Variants in NRCAM observed in about 807,000 individuals in gnomAD.
NRCAM encodes NgCAM-related cell adhesion molecule.
NRCAM carries 83 observed loss-of-function variants against 156.5 expected under a neutral mutation model. The ratio of observed to expected loss-of-function variants is 0.53; its 90% CI spans 0.44 to 0.64. The LOEUF (loss-of-function observed/expected upper bound fraction) is 0.64. Ranked by LOEUF, NRCAM falls within the 30% of genes least tolerant of loss-of-function variation. The pLI, the probability that NRCAM is intolerant of heterozygous loss-of-function variation, is 0.00. For missense variants in NRCAM, 1,417 were observed against 1,597.3 expected, an observed-to-expected ratio of 0.89 and a Z score of 1.92; for synonymous variants, 538 against 563.9, an observed-to-expected ratio of 0.95 and a Z score of 0.65.
At chr7:108,426,585 C>T (rs560390358) in intron 1 of NRCAM, among the ~76,000 whole-genome samples, 2 of 152,304 alleles carry the variant, frequency 1.3e-5, no homozygotes, top group South Asian at 2.1e-4. Flanking sequence ...GGGTGAAAAA[C>T]CAGCTACATT....
chr7:108,355,497 G>GA (rs2099487322), intron 2 of NRCAM, among the ~76,000 whole-genome samples: 1 of 152,138 alleles, frequency 6.6e-6, no homozygotes, highest in Admixed American at 6.5e-5. Flanking sequence ...AGTACAAAGA[G>GA]AAAAAATGAT....
chr7:108,400,430 G>A (rs1388612859), intron 1 of NRCAM, among the ~76,000 whole-genome samples: 1 of 152,182 alleles, frequency 6.6e-6, no homozygotes, highest in African/African-American at 2.4e-5. Context: ...AACCCTGCCT[G>A]TGCATTAGCA....
chr7:108,380,102 T>G (rs1435470787), intron 2 of NRCAM, among the ~76,000 whole-genome samples: 2 of 152,176 alleles, frequency 1.3e-5, no homozygotes, highest in Admixed American at 6.6e-5. Flanking sequence ...CAGCAGTATC[T>G]CCTGTAATCA....
At chr7:108,383,153 C>CACACACACACACAA (rs10669547) in intron 2 of NRCAM, among the ~76,000 whole-genome samples, 28,862 of 151,464 alleles carry the variant, frequency 0.19, 3,303 homozygotes, top group East Asian at 0.45. Flanking sequence ...CACACACACA[C>CACACACACACACAA]ACCCCTTGGT....
chr7:108,381,617 T>C (rs1032343179), intron 2 of NRCAM, among the ~76,000 whole-genome samples: 1 of 150,354 alleles, frequency 6.7e-6, no homozygotes, highest in African/African-American at 2.5e-5. Context: ...TAGACTGCAA[T>C]GGTGCGATTT....
intron 11 of NRCAM, among the ~76,000 whole-genome samples, chr7:108,213,923 G>A (rs867853747): frequency 8.5e-5 from 13 of 152,164 alleles, no homozygotes; most frequent in African/African-American, 3.1e-4. Context: ...TGTTGAACCA[G>A]CCTTGCATCC....
chr7:108,363,918 A>G (rs1254392610), intron 2 of NRCAM, among the ~76,000 whole-genome samples: 1 of 152,212 alleles, frequency 6.6e-6, no homozygotes, highest in South Asian at 2.1e-4. Flanking sequence ...CTAGGGAGAC[A>G]TAACAAATAA....
intron 1 of NRCAM, among the ~76,000 whole-genome samples, chr7:108,407,629 C>A (rs1223731063): frequency 1.3e-5 from 2 of 152,166 alleles, no homozygotes; most frequent in Admixed American, 1.3e-4. Flanking sequence ...AGTGAGCAGT[C>A]TGCCTGATTG....
At chr7:108,278,004 G>T (rs1040246325) in intron 3 of NRCAM, among the ~76,000 whole-genome samples, 8 of 152,168 alleles carry the variant, frequency 5.3e-5, no homozygotes, top group African/African-American at 1.4e-4. Flanking sequence ...TCCGCTGCAG[G>T]TCTGCTGGAG....
At chr7:108,184,117 T>C (rs1325771252) in intron 22 of NRCAM, 124 bp downstream of exon 22, 6 of 515,730 alleles carry the variant, frequency 1.2e-5, no homozygotes, top group Non-Finnish European at 2.0e-5. Context: ...TATCTTTATA[T>C]ATATATATAT....
At chr7:108,420,031 A>G (rs1807128541) in intron 1 of NRCAM, among the ~76,000 whole-genome samples, 2 of 138,468 alleles carry the variant, frequency 1.4e-5, no homozygotes, top group South Asian at 4.9e-4. Context: ...CAAATATTTT[A>G]GTTCCATCGT....
At chr7:108,349,730 C>A (rs560325381) in intron 2 of NRCAM, among the ~76,000 whole-genome samples, 1 of 152,110 alleles carries the variant, frequency 6.6e-6, no homozygotes, top group Non-Finnish European at 1.5e-5. Context: ...CACAATATGA[C>A]GTTTCTTACT....
At chr7:108,372,834 A>G (rs1014460188) in intron 2 of NRCAM, among the ~76,000 whole-genome samples, 1 of 152,182 alleles carries the variant, frequency 6.6e-6, no homozygotes, top group South Asian at 2.1e-4. Context: ...ATGATCCAGC[A>G]TTCCTACTTC....
At chr7:108,337,801 G>C (rs193106931) in intron 2 of NRCAM, among the ~76,000 whole-genome samples, 2 of 152,244 alleles carry the variant, frequency 1.3e-5, no homozygotes, top group Non-Finnish European at 2.9e-5. Context: ...CCACCATCTT[G>C]GGAGCTCTGG....
intron 2 of NRCAM, among the ~76,000 whole-genome samples, chr7:108,326,052 T>C (rs906988421): frequency 6.6e-6 from 1 of 152,164 alleles, no homozygotes; most frequent in Admixed American, 6.6e-5. Flanking sequence ...TGTATCTGAG[T>C]GCTGAGTATC....
chr7:108,395,507 G>A (rs2099774251), intron 2 of NRCAM, among the ~76,000 whole-genome samples: 1 of 152,104 alleles, frequency 6.6e-6, no homozygotes, highest in Non-Finnish European at 1.5e-5. Context: ...TTATAAAAGG[G>A]CACACAGCAA....
rs1408436396 is a variant in NRCAM, at chr7:108,159,544, A to G, written c.3599-3T>C. 1 of 1,609,578 alleles carries G rather than the reference A, an allele frequency of 6.2e-7. No individual in the cohort carries two copies. ...ATGGGCATCTTCCTTTTCTTTAACT[A>G]AAAAATGCCAAAATGGTATTATTAT... is the stretch of plus-strand genomic sequence containing the variant. On this transcript the variant is annotated splice_polypyrimidine_tract_variant and splice_region_variant and intron_variant, in intron 31 of 32. Transcript: ENST00000379028.
intron 11 of NRCAM, among the ~76,000 whole-genome samples, chr7:108,211,210 G>C (rs1021506574): frequency 6.6e-6 from 1 of 152,208 alleles, no homozygotes; most frequent in African/African-American, 2.4e-5. Flanking sequence ...TACAGGGGTA[G>C]AGGAAGCAGC....
At chr7:108,255,219 A>C (rs1232202604) in intron 3 of NRCAM, among the ~76,000 whole-genome samples, 1 of 130,948 alleles carries the variant, frequency 7.6e-6, no homozygotes, top group Non-Finnish European at 1.6e-5. Flanking sequence ...GATGCGGAGC[A>C]GAGGCTGGAC....
Sources: allele counts gnomAD v4.1 joint callset (sites outside exome capture counted in the v4.1 genomes callset), GRCh38; gene constraint gnomAD v4.1.1; transcripts MANE v1.5; gene names NCBI Gene and HGNC (gene_info 2026-07-23, HGNC 2026-07-21).